Variants in DAB1 observed in about 807,000 individuals in gnomAD.
DAB1 encodes DAB adaptor protein 1, also known as disabled homolog 1.
DAB1 carries 15 observed loss-of-function variants against 64.6 expected under a neutral mutation model. That is an observed-to-expected ratio of 0.23 (90% CI 0.16 to 0.36). The LOEUF (loss-of-function observed/expected upper bound fraction) is 0.36. DAB1 is among the 10% of genes least tolerant of loss of function. The pLI is 1.00. For missense variants in DAB1, 596 were observed against 706.7 expected, an observed-to-expected ratio of 0.84 and a Z score of 1.78; for synonymous variants, 235 against 251.9, an observed-to-expected ratio of 0.93 and a Z score of 0.64.
intron 4 of DAB1, among the ~76,000 whole-genome samples, chr1:58,243,816 A>G (rs1660408974): frequency 6.6e-6 from 1 of 152,234 alleles, no homozygotes; most frequent in African/African-American, 2.4e-5. Context: ...AAAGATACCC[A>G]GAACCATCAG....
At chr1:57,068,837 A>G (rs912965784) in intron 8 of DAB1, among the ~76,000 whole-genome samples, 1 of 152,208 alleles carries the variant, frequency 6.6e-6, no homozygotes, top group Non-Finnish European at 1.5e-5. Flanking sequence ...TATCTAGTTT[A>G]TAACATCTTC....
At chr1:57,708,622 A>G (rs1263589987) in intron 6 of DAB1, among the ~76,000 whole-genome samples, 1 of 152,198 alleles carries the variant, frequency 6.6e-6, no homozygotes, top group East Asian at 1.9e-4. Flanking sequence ...GTTCCTCCCA[A>G]TGGGGCACAG....
rs570707175 is a variant in DAB1 at position 58,311,808 on chromosome 1, A to G, written n.309+31544T>C. Among the ~76,000 whole-genome samples, 12 of 151,712 alleles carry G rather than the reference A, an allele frequency of 7.9e-5. No homozygotes were observed. The South Asian group carries it at 2.5e-3, about 31-fold the overall frequency. On this transcript the variant is annotated intron_variant and non_coding_transcript_variant, in intron 4 of 20. Transcript: ENST00000485760. ...AAGTCTCTTGCACTTCTAACTCTGT[A>G]TTGACATCTGCTTCCTGCAGGGCCT...
chr1:57,131,791 C>T (rs962685676), intron 4 of DAB1, among the ~76,000 whole-genome samples: 5 of 152,124 alleles, frequency 3.3e-5, no homozygotes, highest in Non-Finnish European at 7.3e-5. Flanking sequence ...CCACTCTCAC[C>T]TCCTACCTGT....
At chr1:58,098,819 A>G (rs1371001479) in intron 5 of DAB1, among the ~76,000 whole-genome samples, 1 of 152,218 alleles carries the variant, frequency 6.6e-6, no homozygotes, top group Non-Finnish European at 1.5e-5. Flanking sequence ...AGTCAGCTGC[A>G]CCAACATTTT....
chr1:57,182,023 C>G (rs961521819), intron 2 of DAB1, among the ~76,000 whole-genome samples: 4 of 152,098 alleles, frequency 2.6e-5, no homozygotes, highest in African/African-American at 9.7e-5. Context: ...GTAGCTGGGA[C>G]TACAGGTGCA....
chr1:57,715,665 T>A (rs1364522683), intron 6 of DAB1, among the ~76,000 whole-genome samples: 2 of 151,422 alleles, frequency 1.3e-5, no homozygotes, highest in Non-Finnish European at 2.9e-5. Context: ...AGAAAAGAAA[T>A]CAAGAAAAGC....
intron 7 of DAB1, among the ~76,000 whole-genome samples, chr1:57,576,277 G>C (rs561376386): frequency 6.6e-6 from 1 of 152,108 alleles, no homozygotes; most frequent in Non-Finnish European, 1.5e-5. Flanking sequence ...GGTAGGTTAG[G>C]TGTACTAAAT....
chr1:57,795,117 G>A (rs762632281), intron 6 of DAB1, among the ~76,000 whole-genome samples: 5 of 152,174 alleles, frequency 3.3e-5, no homozygotes, highest in Non-Finnish European at 5.9e-5. Context: ...GTGTTAACAT[G>A]TGCTTTAAAG....
At chr1:57,289,696 T>G (rs1672612907) in intron 2 of DAB1, among the ~76,000 whole-genome samples, 1 of 152,128 alleles carries the variant, frequency 6.6e-6, no homozygotes, top group Non-Finnish European at 1.5e-5. Flanking sequence ...CACAACGATG[T>G]CTCAAACAAA....
intron 1 of DAB1, among the ~76,000 whole-genome samples, chr1:57,414,804 A>G (rs541701412): frequency 6.6e-6 from 1 of 152,224 alleles, no homozygotes; most frequent in Non-Finnish European, 1.5e-5. Flanking sequence ...ATCTAAAAAG[A>G]GTGCATGCCC....
chr1:58,531,367 TGAAA>T (rs915073528), intron 1 of DAB1, among the ~76,000 whole-genome samples: 2 of 152,306 alleles, frequency 1.3e-5, no homozygotes, highest in African/African-American at 4.8e-5. Context: ...GTATTTATCA[TGAAA>T]GAATCAGGTT....
chr1:57,719,785 C>T (rs766462720), intron 6 of DAB1, among the ~76,000 whole-genome samples: 30 of 152,112 alleles, frequency 2.0e-4, no homozygotes, highest in Non-Finnish European at 2.9e-4. Flanking sequence ...TCTTTATAGC[C>T]GTGTGAGAGC....
chr1:57,555,313 G>A (rs1008850682), intron 7 of DAB1, among the ~76,000 whole-genome samples: 1 of 151,440 alleles, frequency 6.6e-6, no homozygotes, highest in Non-Finnish European at 1.5e-5. Flanking sequence ...GATTACAGGC[G>A]TGAGCCACCC....
chr1:57,233,334 C>T (rs1667842275), intron 2 of DAB1, among the ~76,000 whole-genome samples: 1 of 126,410 alleles, frequency 7.9e-6, no homozygotes, highest in Admixed American at 1.0e-4. Flanking sequence ...GGGATCTCGG[C>T]TCACTGCAAG....
At chr1:57,892,057 T>G (rs1644323577) in intron 5 of DAB1, among the ~76,000 whole-genome samples, 2 of 152,178 alleles carry the variant, frequency 1.3e-5, no homozygotes. Flanking sequence ...AGCGTTTTTC[T>G]ATGTTATCTT....
At chr1:57,410,407 C>A (rs1684013432) in intron 1 of DAB1, among the ~76,000 whole-genome samples, 1 of 152,066 alleles carries the variant, frequency 6.6e-6, no homozygotes, top group Non-Finnish European at 1.5e-5. Context: ...GAACCTAGAT[C>A]AATAGATGTG....
intron 3 of DAB1, among the ~76,000 whole-genome samples, chr1:58,465,162 G>T (rs112523428): frequency 2.6e-5 from 4 of 152,168 alleles, no homozygotes; most frequent in African/African-American, 9.7e-5. Context: ...TCAGAGACTC[G>T]CATGACAAGC....
chr1:57,580,350 C>T (rs1645298736), intron 7 of DAB1, among the ~76,000 whole-genome samples: 2 of 152,078 alleles, frequency 1.3e-5, no homozygotes, highest in African/African-American at 4.8e-5. Context: ...CCTGCCTTAC[C>T]AGGCAGCCCC....
Sources: gnomAD v4.1 joint callset for allele counts (sites outside exome capture counted in the v4.1 genomes callset) on GRCh38, gnomAD v4.1.1 for gene constraint, MANE v1.5 for transcripts, NCBI Gene and HGNC (gene_info 2026-07-23, HGNC 2026-07-21) for gene names.